GRID2: variants seen among roughly 807,000 people sequenced by gnomAD.
The protein encoded by GRID2 is glutamate receptor ionotropic, delta-2.
GRID2 carries 33 observed loss-of-function variants against 114.8 expected under a neutral mutation model. The observed-to-expected ratio is 0.29, with a 90% confidence interval of 0.22 to 0.38. The LOEUF is 0.38. GRID2 is among the 10% of genes least tolerant of loss of function. GRID2 has a pLI of 1.00. For missense variants in GRID2, 1,184 were observed against 1,257.7 expected (o/e 0.94, Z 0.89); for synonymous variants, 505 against 449.9 (o/e 1.12, Z -1.55).
At chr4:93,080,926 G>C (rs1390284593) in intron 2 of GRID2, among the ~76,000 whole-genome samples, 1 of 152,162 alleles carries the variant, frequency 6.6e-6, no homozygotes, top group Non-Finnish European at 1.5e-5. Flanking sequence ...GGCAAAGAGA[G>C]GGCAAGAGAA....
At chr4:93,316,291 C>CGAAAGAACGAAAGAACGAAAGAACGAAA (rs1282459325) in intron 8 of GRID2, among the ~76,000 whole-genome samples, 133 of 77,128 alleles carry the variant, frequency 1.7e-3, no homozygotes, top group African/African-American at 5.0e-3. Context: ...AACGAAAGAA[C>CGAAAGAACGAAAGAACGAAAGAACGAAA]GAAAGAAAGA....
chr4:92,682,660 G>A (rs1174784586), intron 2 of GRID2, among the ~76,000 whole-genome samples: 1 of 147,956 alleles, frequency 6.8e-6, no homozygotes, highest in Admixed American at 6.8e-5. Context: ...GTCATATGTG[G>A]ATGAGATATT....
At chr4:93,419,349 T>C (rs1480994380) in intron 9 of GRID2, among the ~76,000 whole-genome samples, 1 of 152,022 alleles carries the variant, frequency 6.6e-6, no homozygotes, top group Non-Finnish European at 1.5e-5. Context: ...ATTTTAGAGA[T>C]AGGTACATAG....
intron 2 of GRID2, among the ~76,000 whole-genome samples, chr4:92,945,340 G>C (rs762186452): frequency 2.0e-5 from 3 of 152,094 alleles, no homozygotes; most frequent in Non-Finnish European, 4.4e-5. Flanking sequence ...CATTACTTAT[G>C]AGAATAATAC....
intron 4 of GRID2, among the ~76,000 whole-genome samples, chr4:93,184,491 T>C (rs1327304839): frequency 3.5e-5 from 5 of 143,920 alleles, no homozygotes; most frequent in Non-Finnish European, 7.5e-5. Flanking sequence ...TAGTTCACTT[T>C]AGCCATATTA....
At chr4:93,511,600 C>T (rs2149486728) in intron 12 of GRID2, among the ~76,000 whole-genome samples, 1 of 152,182 alleles carries the variant, frequency 6.6e-6, no homozygotes, top group African/African-American at 2.4e-5. Context: ...ATGAGTAAGA[C>T]TGTGGGTTTG....
chr4:93,317,534 A>G (rs1756786324), intron 8 of GRID2, among the ~76,000 whole-genome samples: 1 of 152,106 alleles, frequency 6.6e-6, no homozygotes, highest in African/African-American at 2.4e-5. Flanking sequence ...TGTCTGCCAC[A>G]ATTCTAATAA....
At chr4:93,174,280 C>G (rs534991040) in intron 4 of GRID2, among the ~76,000 whole-genome samples, 1 of 152,260 alleles carries the variant, frequency 6.6e-6, no homozygotes, top group East Asian at 1.9e-4. Flanking sequence ...CCCCAAAACC[C>G]CAACCCTGAC....
At chr4:92,966,196 A>G (rs1399464208) in intron 2 of GRID2, among the ~76,000 whole-genome samples, 3 of 151,900 alleles carry the variant, frequency 2.0e-5, no homozygotes, top group African/African-American at 4.8e-5. Context: ...TCCATTATTT[A>G]GTTGGGGAGA....
rs371214162 is a variant in GRID2, at chr4:92,847,225, G to A, written c.245-237770G>A. ...TCTAATTATGCTGCTGCTTCCTTTG[G>A]AGCCTTGCCTAAATTTTTGCTGAAG... On this transcript the variant is annotated intron_variant, in intron 2 of 15. Transcript: ENST00000282020. Among the ~76,000 whole-genome samples the A allele has an allele frequency of 7.2e-4, 109 of 152,028 alleles. 1 individual carries two copies. Among genetic ancestry groups the A allele is most frequent in the African/African-American group, 2.6e-3 (107 of 41,502 alleles).
At chr4:92,588,988 C>A (rs1339835481) in intron 1 of GRID2, among the ~76,000 whole-genome samples, 10 of 151,976 alleles carry the variant, frequency 6.6e-5, no homozygotes, top group Admixed American at 6.6e-4. Context: ...CACCTGTAAT[C>A]CCAGCTACTC....
chr4:93,160,277 A>G (rs1301450520), intron 4 of GRID2, among the ~76,000 whole-genome samples: 1 of 151,858 alleles, frequency 6.6e-6, no homozygotes, highest in African/African-American at 2.4e-5. Flanking sequence ...ACAGTAATCA[A>G]TATAGATAAG....
chr4:92,618,567 T>C (rs1184235902), intron 2 of GRID2, among the ~76,000 whole-genome samples: 2 of 151,666 alleles, frequency 1.3e-5, no homozygotes, highest in African/African-American at 2.4e-5. Flanking sequence ...AAGAGTTGCA[T>C]TGAATCTATA....
intron 2 of GRID2, among the ~76,000 whole-genome samples, chr4:92,601,204 C>T (rs1321757870): frequency 4.6e-5 from 7 of 152,218 alleles, no homozygotes; most frequent in African/African-American, 7.2e-5. Flanking sequence ...ATCAATAGAA[C>T]TCTCCACCCA....
chr4:92,535,662 A>G (rs1337540432), intron 1 of GRID2, among the ~76,000 whole-genome samples: 1 of 152,184 alleles, frequency 6.6e-6, no homozygotes, highest in Non-Finnish European at 1.5e-5. Context: ...AAACTCCATT[A>G]TTATTAAAAC....
At chr4:92,891,543 G>A (rs189278268) in intron 2 of GRID2, among the ~76,000 whole-genome samples, 2 of 152,252 alleles carry the variant, frequency 1.3e-5, no homozygotes, top group Non-Finnish European at 2.9e-5. Context: ...TCATCAGGTT[G>A]TCACCTAGAG....
intron 8 of GRID2, among the ~76,000 whole-genome samples, chr4:93,381,191 G>A (rs971697087): frequency 1.3e-5 from 2 of 151,968 alleles, no homozygotes; most frequent in Admixed American, 1.3e-4. Context: ...CTTTCATCAT[G>A]CAAAACTGAA....
chr4:92,814,324 G>C (rs776546351), intron 2 of GRID2, among the ~76,000 whole-genome samples: 6 of 152,132 alleles, frequency 3.9e-5, no homozygotes, highest in Non-Finnish European at 8.8e-5. Context: ...TGGAAGATTA[G>C]CTAGTAATAA....
chr4:92,571,588 C>T (rs1202760628), intron 1 of GRID2, among the ~76,000 whole-genome samples: 1 of 152,288 alleles, frequency 6.6e-6, no homozygotes, highest in South Asian at 2.1e-4. Flanking sequence ...ACATTCTTCT[C>T]AGCACCACAC....
Sources: gnomAD v4.1 joint callset for allele counts (sites outside exome capture counted in the v4.1 genomes callset) on GRCh38, gnomAD v4.1.1 for gene constraint, MANE v1.5 for transcripts, NCBI Gene and HGNC (gene_info 2026-07-23, HGNC 2026-07-21) for gene names.